Variants in SLC47A2 observed in about 807,000 individuals in gnomAD.
The protein encoded by SLC47A2 is multidrug and toxin extrusion protein 2.
A neutral mutation model predicts 67.7 loss-of-function variants in SLC47A2; 52 were observed. The observed-to-expected ratio is 0.77, with a 90% CI of 0.61 to 0.97. The LOEUF is 0.97. Ranked by LOEUF, SLC47A2 falls within the 50% of genes least tolerant of loss-of-function variation. The pLI is 0.00. For synonymous variants in SLC47A2, 278 were observed against 292.9 expected (o/e 0.95, Z 0.52); for missense variants, 676 against 712.3 (o/e 0.95, Z 0.58).
intron 1 of SLC47A2, 99 bp from the exon 2 acceptor site, chr17:19,715,316 G>A (rs1037733137): frequency 1.1e-5 from 11 of 1,030,750 alleles, no homozygotes; most frequent in South Asian, 1.4e-5. Flanking sequence ...CCGCACCAGT[G>A]CCCCGAGAGG....
intron 13 of SLC47A2, among the ~76,000 whole-genome samples, chr17:19,697,062 C>T (rs1209399717): frequency 7.9e-5 from 12 of 152,290 alleles, no homozygotes; most frequent in East Asian, 3.9e-4. Flanking sequence ...GAGGCTGAGG[C>T]GGGCGGATGA....
intron 15 of SLC47A2, 82 bp downstream of exon 15, chr17:19,681,285 G>T: frequency 8.6e-7 from 1 of 1,157,404 alleles, no homozygotes; most frequent in Non-Finnish European, 1.2e-6. Context: ...ATGTGCTCTG[G>T]GCATTTCTGG....
chr17:19,679,176 G>C (rs2085256199), intron 16 of SLC47A2, among the ~76,000 whole-genome samples: 1 of 152,308 alleles, frequency 6.6e-6, no homozygotes, highest in South Asian at 2.1e-4. Context: ...GTCAACGCTT[G>C]GCCCTGTGAT....
At chr17:19,712,108 C>G (rs1294520450) in intron 5 of SLC47A2, among the ~76,000 whole-genome samples, 1 of 152,068 alleles carries the variant, frequency 6.6e-6, no homozygotes, top group South Asian at 2.1e-4. Flanking sequence ...CCTGGAGGGC[C>G]GGGCACGGTG....
rs200749057 is a variant in SLC47A2 at position 19,685,092 on chromosome 17, C to CG, written c.1165-3423dup. Among the ~76,000 whole-genome samples the CG allele has an allele frequency of 0.014, 2,165 of 152,272 alleles. 53 individuals are homozygous for CG. Among genetic ancestry groups the CG allele is most frequent in the African/African-American group, 0.049 (2,055 of 41,550 alleles). On this transcript the variant is annotated intron_variant, in intron 13 of 16. Transcript: ENST00000433844. This position sits in a 1 kb window ranked among gnomAD's most constrained non-coding sequence, Gnocchi z 4.5. ...AGCTCCTAGCCTCGGGTGAAGTGCC[C>CG]GCCTCGGCCTCCTGAGGTGCTGGGA...
At chr17:19,717,707 A>G (rs1235813117), upstream of SLC47A2, 1 of 151,890 alleles carries the variant, frequency 6.6e-6, no homozygotes, top group Non-Finnish European at 1.5e-5. Context: ...GAGGCAGGAC[A>G]AATACAAAAA....
At chr17:19,691,142 C>A (rs897538039) in intron 13 of SLC47A2, among the ~76,000 whole-genome samples, 1 of 151,820 alleles carries the variant, frequency 6.6e-6, no homozygotes, top group Non-Finnish European at 1.5e-5. Flanking sequence ...AAAAGGGAGC[C>A]CTTGTACACT....
intron 5 of SLC47A2, among the ~76,000 whole-genome samples, chr17:19,711,666 C>A (rs1273750853): frequency 2.2e-5 from 3 of 139,260 alleles, no homozygotes; most frequent in Non-Finnish European, 4.6e-5. Context: ...TGGAAGAAAT[C>A]TTTTAATAAT....
At chr17:19,708,816 G>A (rs1316289865) in intron 5 of SLC47A2, 56 bp from the exon 6 acceptor site, 7 of 1,589,598 alleles carry the variant, frequency 4.4e-6, no homozygotes, top group Non-Finnish European at 5.2e-6. Context: ...CTCACCAAAT[G>A]AGCATTAACA....
chr17:19,714,189 G>A (rs2086186501), intron 3 of SLC47A2, among the ~76,000 whole-genome samples: 1 of 152,218 alleles, frequency 6.6e-6, no homozygotes, highest in African/African-American at 2.4e-5. Flanking sequence ...CTCCAAGGAG[G>A]ACGAAGGCAC....
At position 19,685,944 on chromosome 17, in the gene SLC47A2, T is replaced by G. The variant is rs879915439; in HGVS notation, c.1165-4274A>C. ...TGCTTGTTTGTTTTTGCAATCAGTATTTAGTTGTCACTAGTTTAAAAATAA... is the reference window on the plus strand; with the variant it reads ...TGCTTGTTTGTTTTTGCAATCAGTAGTTAGTTGTCACTAGTTTAAAAATAA... On this transcript the variant is annotated intron_variant, in intron 13 of 16. Transcript: ENST00000433844. This position sits in a 1 kb window ranked among gnomAD's most constrained non-coding sequence, Gnocchi z 4.5. 1.3e-5 allele frequency among the ~76,000 whole-genome samples: 2 copies of G among 152,224 alleles called. No homozygotes were observed. The highest frequency in any genetic ancestry group is 2.9e-5 in the Non-Finnish European group (2 of 68,044).
intron 13 of SLC47A2, among the ~76,000 whole-genome samples, chr17:19,690,723 A>G (rs989652140): frequency 2.6e-5 from 4 of 152,214 alleles, no homozygotes; most frequent in African/African-American, 9.6e-5. Context: ...CGTTAGAGAA[A>G]TGCACATCAA....
intron 10 of SLC47A2, chr17:19,705,126 A>G: frequency 2.4e-6 from 1 of 418,480 alleles, no homozygotes; most frequent in Middle Eastern, 6.5e-4. Context: ...CCAGCCTGGA[A>G]TGTGCATTTT....
Position 19,713,264 on chromosome 17 carries a change from T to C in SLC47A2, c.444-519A>G, listed in dbSNP as rs2086150061. ...TTAGCCTGGTGTGGTGGCACGTGCC[T>C]GTAGTCCCAGCTACTCAGGAGGCTG... On this transcript the variant is annotated intron_variant, in intron 4 of 16. Coordinates refer to ENST00000433844, the MANE Select transcript of SLC47A2 (RefSeq NM_001099646.3). 5.3e-5 allele frequency among the ~76,000 whole-genome samples: 8 copies of C among 152,100 alleles called. No individual in the cohort carries two copies. In the South Asian group the frequency reaches 1.7e-3, roughly 31 times the overall value.
rs201704161 is a variant in SLC47A2 at position 19,681,594 on chromosome 17, A to T, written c.1241T>A (p.Ile414Asn). 4.3e-6 allele frequency: 7 copies of T among 1,614,128 alleles called. No individual in the cohort carries two copies. The East Asian group carries it at 1.3e-4, about 31-fold the overall frequency. Residue 414 changes from isoleucine (I) to asparagine (N), a missense_variant, in exon 14 of 17, where the codon ATC becomes AAC. Coordinates refer to ENST00000433844, the MANE Select transcript of SLC47A2 (RefSeq NM_001099646.3). ...GAAVNAITYY[I>N]IGLPLGILLT... ...AAGGATGCCCAGTGGTAGGCCGATGATGTAATATGTGATGGCATTCACAGC... is the reference window on the plus strand; with the variant it reads ...AAGGATGCCCAGTGGTAGGCCGATGTTGTAATATGTGATGGCATTCACAGC...
At chr17:19,678,969 G>T in intron 16 of SLC47A2, 63 bp from the exon 17 acceptor site, 1 of 1,449,792 alleles carries the variant, frequency 6.9e-7, no homozygotes, top group Non-Finnish European at 9.5e-7. Flanking sequence ...TTTGGCCTTG[G>T]AATCGGGAAA....
intron 11 of SLC47A2, 147 bp downstream of exon 11, chr17:19,703,922 TG>T (rs971147471): frequency 1.9e-5 from 11 of 577,214 alleles, no homozygotes; most frequent in African/African-American, 1.8e-4. Flanking sequence ...GAGGCTGACC[TG>T]GGTCAGATGG....
intron 15 of SLC47A2, among the ~76,000 whole-genome samples, chr17:19,680,578 G>T (rs2085291176): frequency 6.6e-6 from 1 of 152,144 alleles, no homozygotes; most frequent in Non-Finnish European, 1.5e-5. Flanking sequence ...ACCCTGATAG[G>T]ATTCAGGGTC....
chr17:19,707,592 G>T (rs1464127068), intron 8 of SLC47A2, among the ~76,000 whole-genome samples, 154 bp downstream of exon 8: 1 of 152,112 alleles, frequency 6.6e-6, no homozygotes, highest in Admixed American at 6.5e-5. Context: ...CCTTGGGGCT[G>T]GGGAAGCAAA....
Sources: allele counts gnomAD v4.1 joint callset (sites outside exome capture counted in the v4.1 genomes callset), GRCh38; gene constraint gnomAD v4.1.1; non-coding constraint Gnocchi (gnomAD v3.1); transcripts MANE v1.5; gene names NCBI Gene and HGNC (gene_info 2026-07-23, HGNC 2026-07-21).